The following GLIS3 variants were observed in gnomAD, a reference collection of about 807,000 sequenced individuals.
GLIS3 encodes GLIS family zinc finger 3.
GLIS3 carries 53 observed loss-of-function variants against 78.6 expected under a neutral mutation model. The ratio of observed to expected loss-of-function variants is 0.67; its 90% CI spans 0.54 to 0.85. The LOEUF (loss-of-function observed/expected upper bound fraction) is 0.85, where lower values mean the gene tolerates loss of function less well. Among genes scored for constraint, GLIS3 ranks in the 40% least tolerant of loss-of-function variants. The pLI, the probability that GLIS3 is intolerant of heterozygous loss-of-function variation, is 0.00. For missense variants in GLIS3, 1,703 were observed against 1,231.1 expected, an observed-to-expected ratio of 1.38 and a Z score of -5.74; for synonymous variants, 684 against 509.9, an observed-to-expected ratio of 1.34 and a Z score of -4.60.
intron 4 of GLIS3, among the ~76,000 whole-genome samples, chr9:3,984,460 C>T (rs1193820689): frequency 6.6e-6 from 1 of 152,184 alleles, no homozygotes; most frequent in Non-Finnish European, 1.5e-5. Flanking sequence ...GGCCCTGTAG[C>T]CCCTTTGTTT....
At chr9:4,349,590 T>C (rs1472495728), upstream of GLIS3, among the ~76,000 whole-genome samples, 4 of 152,144 alleles carry the variant, frequency 2.6e-5, no homozygotes, top group Non-Finnish European at 5.9e-5. Context: ...TAATTTAGAT[T>C]GCATTTACTT....
intron 6 of GLIS3, among the ~76,000 whole-genome samples, chr9:3,916,557 C>T (rs1473931912): frequency 1.3e-5 from 2 of 152,264 alleles, no homozygotes; most frequent in African/African-American, 4.8e-5. Context: ...CTGTCCATTA[C>T]TAATCCTCTT....
At chr9:4,189,744 T>A in intron 2 of GLIS3, among the ~76,000 whole-genome samples, 1 of 152,216 alleles carries the variant, frequency 6.6e-6, no homozygotes, top group Non-Finnish European at 1.5e-5. Context: ...TTTACCATTA[T>A]GTAATGGCCT....
chr9:4,043,916 G>C (rs949691995), intron 4 of GLIS3, among the ~76,000 whole-genome samples: 2 of 152,234 alleles, frequency 1.3e-5, no homozygotes, highest in African/African-American at 4.8e-5. Flanking sequence ...TCAGCTGCAA[G>C]AGCAGCAGAA....
At chr9:4,410,998 T>C in the GLIS3 span, among the ~76,000 whole-genome samples, 1 of 152,316 alleles carries the variant, frequency 6.6e-6, no homozygotes. Context: ...ATTCCTTATG[T>C]AACAACCTTT....
chr9:4,126,419 G>C (rs1832583242), intron 2 of GLIS3, among the ~76,000 whole-genome samples: 2 of 152,146 alleles, frequency 1.3e-5, no homozygotes, highest in South Asian at 4.1e-4. Context: ...GTCTGGCTGT[G>C]TCTCTCTACT....
intron 6 of GLIS3, among the ~76,000 whole-genome samples, chr9:3,907,468 C>T (rs1823786353): frequency 6.6e-6 from 1 of 152,094 alleles, no homozygotes; most frequent in African/African-American, 2.4e-5. Flanking sequence ...ATAAATGTGG[C>T]AGAAACTACT....
chr9:4,372,109 T>C, the GLIS3 span, among the ~76,000 whole-genome samples: 2 of 152,162 alleles, frequency 1.3e-5, no homozygotes, highest in Non-Finnish European at 2.9e-5. Context: ...GTTCTGCTTA[T>C]GCTGTGAAGG....
the GLIS3 span, among the ~76,000 whole-genome samples, chr9:4,374,429 T>C: frequency 2.0e-5 from 3 of 152,250 alleles, no homozygotes; most frequent in Admixed American, 6.5e-5. Flanking sequence ...AGAACCAATA[T>C]TGGGTCTAAT....
the GLIS3 span, among the ~76,000 whole-genome samples, chr9:4,426,814 T>C: frequency 6.6e-6 from 1 of 152,254 alleles, no homozygotes; most frequent in Non-Finnish European, 1.5e-5. Flanking sequence ...TAGCTCCCAC[T>C]TCACAGAGTT....
the GLIS3 span, among the ~76,000 whole-genome samples, chr9:4,367,633 CAAAAAAAAAA>C: frequency 3.2e-5 from 2 of 62,012 alleles, no homozygotes; most frequent in African/African-American, 5.7e-5. Context: ...GACTCCATCT[CAAAAAAAAAA>C]AAAAAAAAAA....
chr9:4,278,822 G>A (rs1343026759), intron 2 of GLIS3, among the ~76,000 whole-genome samples: 2 of 152,222 alleles, frequency 1.3e-5, no homozygotes, highest in Non-Finnish European at 2.9e-5. Flanking sequence ...TTAGCCAGGT[G>A]ATCAAATATA....
chr9:3,986,837 G>C (rs963969487), intron 4 of GLIS3, among the ~76,000 whole-genome samples: 19 of 152,238 alleles, frequency 1.2e-4, no homozygotes, highest in Admixed American at 3.3e-4. Context: ...AAACTTAACA[G>C]GGTGTCTGCC....
chr9:4,067,706 T>G (rs1446154338), intron 4 of GLIS3, among the ~76,000 whole-genome samples: 2 of 152,000 alleles, frequency 1.3e-5, no homozygotes, highest in African/African-American at 4.8e-5. Context: ...TTTGCCAAAT[T>G]TAAAACATGG....
At chr9:3,874,407 C>T (rs114624907) in intron 8 of GLIS3, among the ~76,000 whole-genome samples, 1,601 of 152,284 alleles carry the variant, frequency 0.011, 28 homozygotes, top group African/African-American at 0.036. Context: ...TACATCTTTT[C>T]ATTGGTATCC....
chr9:4,283,072 AAT>A (rs1185624943), intron 2 of GLIS3, among the ~76,000 whole-genome samples: 1 of 130,108 alleles, frequency 7.7e-6, no homozygotes, highest in African/African-American at 3.0e-5. Context: ...CCTCCATGCA[AAT>A]ATATGCGTGC....
Position 4,293,033 on chromosome 9 carries a change from C to T in GLIS3, c.-99+6388G>A, listed in dbSNP as rs1255409748. On this transcript the variant is annotated intron_variant, in intron 1 of 10. Transcript: ENST00000381971. ...AGAAGTATAGAAGTAAAATAACTGG[C>T]TGGAGATGTTTCTTTCAAGAAAAAC... is the stretch of plus-strand genomic sequence containing the variant. Among the ~76,000 whole-genome samples the T allele has an allele frequency of 2.0e-5, 3 of 152,258 alleles. No homozygotes were observed. The East Asian group carries it at 5.8e-4, about 29-fold the overall frequency.
chr9:4,005,649 G>A (rs900705637), intron 4 of GLIS3, among the ~76,000 whole-genome samples: 1 of 152,146 alleles, frequency 6.6e-6, no homozygotes, highest in Non-Finnish European at 1.5e-5. Context: ...TGGGCCAGCC[G>A]CTATTAAGTA....
chr9:4,345,911 G>A (rs1417308628), intron 2 of GLIS3, among the ~76,000 whole-genome samples: 2 of 152,082 alleles, frequency 1.3e-5, no homozygotes, highest in African/African-American at 4.8e-5. Context: ...AAAGAATATT[G>A]CTTTGATAAA....
Sources: allele counts gnomAD v4.1 joint callset (sites outside exome capture counted in the v4.1 genomes callset), GRCh38; gene constraint gnomAD v4.1.1; transcripts MANE v1.5; gene names NCBI Gene and HGNC (gene_info 2026-07-23, HGNC 2026-07-21).